The following NPLOC4 variants were observed in gnomAD, a reference collection of about 807,000 sequenced individuals.
NPLOC4 encodes nuclear protein localization protein 4 homolog.
Under a neutral mutation model 80.6 loss-of-function variants are expected in NPLOC4, and 18 were observed. That is an observed-to-expected ratio of 0.22 (90% CI 0.15 to 0.33). NPLOC4 has a LOEUF of 0.33. Ranked by LOEUF, NPLOC4 falls within the 10% of genes least tolerant of loss-of-function variation. The probability of loss-of-function intolerance (pLI) is 1.00; values close to 1 mark genes in which losing one functional copy is unlikely to be tolerated. For missense variants in NPLOC4, 540 were observed against 786.1 expected (o/e 0.69, Z 3.74); for synonymous variants, 313 against 301.5 (o/e 1.04, Z -0.39).
chr17:81,615,659 G>C (rs1310154197), intron 3 of NPLOC4, among the ~76,000 whole-genome samples: 1 of 152,208 alleles, frequency 6.6e-6, no homozygotes, highest in Non-Finnish European at 1.5e-5. Context: ...GGCCTACAGC[G>C]GTTTGCTGGG....
chr17:81,587,357 C>G (rs1314102688), intron 12 of NPLOC4, among the ~76,000 whole-genome samples: 1 of 151,560 alleles, frequency 6.6e-6, no homozygotes, highest in African/African-American at 2.4e-5. Context: ...GCTCTGTCAC[C>G]CAGGCTGGAG....
At position 81,596,262 on chromosome 17, in the gene NPLOC4, C is replaced by T. The variant is rs1363248168; in HGVS notation, c.994-20G>A. 4 of 1,592,044 alleles carry T rather than the reference C, an allele frequency of 2.5e-6. No homozygotes were observed. Among genetic ancestry groups the T allele is most frequent in the Middle Eastern group, 1.7e-4 (1 of 5,978 alleles). On this transcript the variant is annotated intron_variant, in intron 10 of 16. Coordinates refer to ENST00000331134, the MANE Select transcript of NPLOC4 (RefSeq NM_017921.4). ...GGTGTCCTAAGACAAGAGAAGCAGC[C>T]TATCAAATTTTACAGCATCATGCCA...
At chr17:81,613,147 C>A (rs6565601) in intron 4 of NPLOC4, 171 bp downstream of exon 4, 5 of 513,840 alleles carry the variant, frequency 9.7e-6, no homozygotes, top group South Asian at 6.0e-5. Flanking sequence ...AAACAAAAAC[C>A]GATAAAAAGC....
chr17:81,626,918 C>CA (rs1555688730), intron 2 of NPLOC4, among the ~76,000 whole-genome samples: 14 of 151,252 alleles, frequency 9.3e-5, no homozygotes, highest in Non-Finnish European at 1.6e-4. Context: ...AGTGAAACCT[C>CA]GTCTCTACTA....
chr17:81,597,957 T>C (rs11150800), intron 9 of NPLOC4, among the ~76,000 whole-genome samples: 14,396 of 150,388 alleles, frequency 0.096, 747 homozygotes, highest in Middle Eastern at 0.17. Context: ...TAGCCGGGCG[T>C]GGTGGCGGGT....
intron 9 of NPLOC4, among the ~76,000 whole-genome samples, chr17:81,599,269 A>G (rs550042031): frequency 2.0e-5 from 3 of 151,210 alleles, no homozygotes; most frequent in South Asian, 4.2e-4. Flanking sequence ...AGCCTGGGTG[A>G]AAGAGCAAGA....
chr17:81,584,651 C>T (rs1177946367), intron 12 of NPLOC4, among the ~76,000 whole-genome samples: 4 of 152,158 alleles, frequency 2.6e-5, no homozygotes, highest in Non-Finnish European at 4.4e-5. Context: ...GTAGGAAATG[C>T]GAAAGACTAA....
intron 3 of NPLOC4, among the ~76,000 whole-genome samples, chr17:81,614,005 G>A (rs548429279): frequency 6.6e-5 from 10 of 152,178 alleles, no homozygotes; most frequent in South Asian, 2.1e-4. Context: ...GGCCAGGCTC[G>A]GTGGCTCATG....
chr17:81,623,464 CAAAA>C (rs60092546), intron 2 of NPLOC4, among the ~76,000 whole-genome samples: 1 of 82,596 alleles, frequency 1.2e-5, no homozygotes, highest in Non-Finnish European at 2.2e-5. Context: ...GACTTTGTTT[CAAAA>C]AAAAAAAAAA....
At chr17:81,636,798 A>G (rs745912153) in intron 1 of NPLOC4, 118 bp downstream of exon 1, 442 of 1,107,022 alleles carry the variant, frequency 4.0e-4, no homozygotes, top group Non-Finnish European at 4.8e-4. Context: ...AGCCCTGGCG[A>G]GAGAAGAGAA....
chr17:81,614,812 C>A (rs1324974364), intron 3 of NPLOC4, among the ~76,000 whole-genome samples: 2 of 152,202 alleles, frequency 1.3e-5, no homozygotes, highest in Non-Finnish European at 2.9e-5. Context: ...GCTGCCAACA[C>A]TAACCCTCCA....
intron 2 of NPLOC4, among the ~76,000 whole-genome samples, chr17:81,624,137 T>G (rs559122872): frequency 2.0e-5 from 3 of 151,582 alleles, no homozygotes; most frequent in African/African-American, 7.3e-5. Context: ...ATACAAAAAT[T>G]AGGCCAGGTG....
chr17:81,629,813 A>G lies in NPLOC4; in HGVS notation c.16-8T>C. On this transcript the variant is annotated splice_polypyrimidine_tract_variant and splice_region_variant and intron_variant, in intron 1 of 16. Transcript: ENST00000331134. ...GGACTGGACACGAATTATCTGTTGCAAACAAAACATGATGGTTACTGCACA... is the reference window on the plus strand; with the variant it reads ...GGACTGGACACGAATTATCTGTTGCGAACAAAACATGATGGTTACTGCACA... 1 of 1,605,346 alleles carries G rather than the reference A, an allele frequency of 6.2e-7. No individual in the cohort carries two copies. Among genetic ancestry groups the G allele is most frequent in the Non-Finnish European group, 8.5e-7 (1 of 1,172,278 alleles).
rs761840595 is a variant in NPLOC4 at position 81,558,121 on chromosome 17, C to G, written c.*1138G>C. 1.3e-5 allele frequency: 2 copies of G among 152,540 alleles called. No homozygotes were observed. Among genetic ancestry groups the G allele is most frequent in the African/African-American group, 4.8e-5 (2 of 41,454 alleles). 9.4% of individuals were successfully genotyped at this position (152,540 alleles called of 1,614,324 possible). ...CCGGCCTGGCCACGCCACAGAGGAACGCAGAGCACACAAGCAGGACCCCAC... is the reference window on the plus strand; with the variant it reads ...CCGGCCTGGCCACGCCACAGAGGAAGGCAGAGCACACAAGCAGGACCCCAC... On this transcript the variant is annotated 3_prime_UTR_variant, in exon 17 of 17. Transcript: ENST00000331134.
chr17:81,588,150 A>G (rs922363707), intron 12 of NPLOC4: 6 of 152,234 alleles, frequency 3.9e-5, no homozygotes, highest in African/African-American at 1.2e-4. Flanking sequence ...GAATGTGAAG[A>G]CTAAAAGAAA....
intron 2 of NPLOC4, among the ~76,000 whole-genome samples, chr17:81,623,772 A>G (rs2035729004): frequency 6.6e-6 from 1 of 150,532 alleles, no homozygotes; most frequent in South Asian, 2.1e-4. Flanking sequence ...CACTCCAGCC[A>G]GGACGACAGA....
At chr17:81,621,320 G>A (rs1248515348) in intron 3 of NPLOC4, among the ~76,000 whole-genome samples, 3 of 152,156 alleles carry the variant, frequency 2.0e-5, no homozygotes, top group African/African-American at 7.2e-5. Context: ...ATTGCATGTT[G>A]TGTCCCTAGA....
chr17:81,594,950 C>T (rs1443842392), intron 11 of NPLOC4, among the ~76,000 whole-genome samples: 6 of 146,654 alleles, frequency 4.1e-5, no homozygotes, highest in South Asian at 4.2e-4. Flanking sequence ...TCAAAACAAA[C>T]GAACAAACAA....
intron 3 of NPLOC4, among the ~76,000 whole-genome samples, chr17:81,619,633 C>G (rs2035610530): frequency 2.0e-5 from 3 of 151,546 alleles, no homozygotes; most frequent in African/African-American, 7.3e-5. Flanking sequence ...AATGCCAACA[C>G]TTTGGGAGGC....
Sources: allele counts gnomAD v4.1 joint callset (sites outside exome capture counted in the v4.1 genomes callset), GRCh38; gene constraint gnomAD v4.1.1; transcripts MANE v1.5; gene names NCBI Gene and HGNC (gene_info 2026-07-23, HGNC 2026-07-21).